COPS3: variants seen among roughly 807,000 people sequenced by gnomAD.
The protein encoded by COPS3 is COP9 signalosome complex subunit 3.
Under a neutral mutation model 58.2 loss-of-function variants are expected in COPS3, and 10 were observed. The ratio of observed to expected loss-of-function variants is 0.17; its 90% confidence interval spans 0.11 to 0.29. The LOEUF is 0.29. Among genes scored for constraint, COPS3 ranks in the 10% least tolerant of loss-of-function variants. The pLI, the probability that COPS3 is intolerant of heterozygous loss-of-function variation, is 1.00. For synonymous variants in COPS3, 187 were observed against 181.7 expected (o/e 1.03, Z -0.24); for missense variants, 333 against 510.1 (o/e 0.65, Z 3.34).
chr17:17,257,450 C>T (rs1030788115), intron 8 of COPS3, among the ~76,000 whole-genome samples: 10 of 151,114 alleles, frequency 6.6e-5, no homozygotes, highest in African/African-American at 2.2e-4. Flanking sequence ...TTACATATAA[C>T]TGGGAGAGTC....
chr17:17,270,928 T>C lies in COPS3; in HGVS notation c.266A>G (p.Asn89Ser). The C allele has an allele frequency of 6.2e-7, 1 of 1,613,944 alleles. No individual in the cohort carries two copies. The highest frequency in any genetic ancestry group is 8.5e-7 in the Non-Finnish European group (1 of 1,179,970). ...TGTTGCATATCGAATGTGCTCCCCATTACAAGTGCTGATGAAGAGCTGAAC... is the reference window on the plus strand; with the variant it reads ...TGTTGCATATCGAATGTGCTCCCCACTACAAGTGCTGATGAAGAGCTGAAC... ...SQVQLFISTC[N>S]GEHIRYATDT... Residue 89 changes from asparagine to serine, a missense_variant, in exon 3 of 12, where the codon AAT (asparagine) becomes AGT (serine). By Grantham distance (46) the Asn-to-Ser change is conservative. Coordinates refer to ENST00000268717, the MANE Select transcript of COPS3 (RefSeq NM_003653.4).
Position 17,277,378 on chromosome 17 carries a change from C to T in COPS3, c.56-1214G>A, listed in dbSNP as rs1250832765. On this transcript the variant is annotated intron_variant, in intron 1 of 11. Coordinates refer to ENST00000268717, the MANE Select transcript of COPS3 (RefSeq NM_003653.4). ...AGCAGCTACTTGTTGAATTAATCTC[C>T]TAATTGATCTATTTTTCCCCTATAC... 3.3e-5 allele frequency among the ~76,000 whole-genome samples: 5 copies of T among 152,170 alleles called. No homozygotes were observed. In the East Asian group the frequency reaches 9.6e-4, roughly 29 times the overall value.
Position 17,270,785 on chromosome 17 carries a change from T to C in COPS3, c.321A>G (p.Leu107=). 1.9e-6 allele frequency: 3 copies of C among 1,598,698 alleles called. No homozygotes were observed. The highest frequency in any genetic ancestry group is 2.6e-6 in the Non-Finnish European group (3 of 1,171,046). ...TDTFAGLCHQ[L]TNALVERKQP... ...GTTTTCTTTCCACAAGTGCATTTGTTAGCTGATGGCAAAGCCCAGCAACTA... is the reference window on the plus strand; with the variant it reads ...GTTTTCTTTCCACAAGTGCATTTGTCAGCTGATGGCAAAGCCCAGCAACTA... Residue 107 remains leucine (L), a synonymous_variant, in exon 4 of 12, where the codon CTA becomes CTG. Coordinates refer to ENST00000268717, the MANE Select transcript of COPS3 (RefSeq NM_003653.4).
At chr17:17,260,967 G>A (rs1357945027) in intron 7 of COPS3, among the ~76,000 whole-genome samples, 2 of 152,158 alleles carry the variant, frequency 1.3e-5, no homozygotes, top group Admixed American at 1.3e-4. Flanking sequence ...CAAAGCAAAT[G>A]CCTGGTTTTT....
chr17:17,280,812 C>T, intron 1 of COPS3: 2 of 1,251,732 alleles, frequency 1.6e-6, no homozygotes, highest in Non-Finnish European at 2.1e-6. Context: ...CAATAGTCGC[C>T]CGAGATGGCT....
intron 9 of COPS3, among the ~76,000 whole-genome samples, chr17:17,252,010 A>G (rs987205491): frequency 1.3e-5 from 2 of 151,906 alleles, no homozygotes; most frequent in African/African-American, 2.4e-5. Flanking sequence ...TGGAGCTTGC[A>G]GTGAGCTGAG....
intron 6 of COPS3, among the ~76,000 whole-genome samples, chr17:17,264,221 G>C (rs966250698): frequency 6.6e-6 from 1 of 152,154 alleles, no homozygotes; most frequent in Admixed American, 6.6e-5. Flanking sequence ...AGGAACTTAC[G>C]AACATCTAAC....
chr17:17,267,362 C>T (rs1380787524), intron 5 of COPS3, among the ~76,000 whole-genome samples: 1 of 149,970 alleles, frequency 6.7e-6, no homozygotes, highest in Non-Finnish European at 1.5e-5. Flanking sequence ...CAACTAGGGC[C>T]GGGTGTGGTG....
At chr17:17,252,743 G>A (rs549518827) in intron 9 of COPS3, among the ~76,000 whole-genome samples, 3 of 152,242 alleles carry the variant, frequency 2.0e-5, no homozygotes, top group South Asian at 2.1e-4. Context: ...CTTCTCACTC[G>A]CCACTGAAGA....
chr17:17,270,593 G>A (rs1483069595), intron 4 of COPS3, among the ~76,000 whole-genome samples, 165 bp downstream of exon 4: 3 of 151,918 alleles, frequency 2.0e-5, no homozygotes, highest in Non-Finnish European at 4.4e-5. Context: ...CAGGGGATGC[G>A]GGGACTGCCT....
intron 9 of COPS3, among the ~76,000 whole-genome samples, chr17:17,249,274 A>AT (rs1300572008): frequency 1.3e-5 from 2 of 152,184 alleles, no homozygotes; most frequent in Non-Finnish European, 2.9e-5. Context: ...CTGCCCTTGC[A>AT]TTTTTGTTAT....
Position 17,271,840 on chromosome 17 carries a change from C to CTATATATATA in COPS3, c.186-842_186-833dup, listed in dbSNP as rs10653495. 1.2e-4 allele frequency among the ~76,000 whole-genome samples: 17 copies of CTATATATATA among 139,162 alleles called. No homozygotes were observed. In the South Asian group the frequency reaches 1.5e-3, roughly 13 times the overall value. The allele number at this position is 139,162 out of a possible 152,430, so 91.3% of individuals were successfully genotyped here. A position where few individuals can be genotyped will look rare whatever the true frequency, so the allele number is the denominator to read the frequency against. On this transcript the variant is annotated intron_variant, in intron 2 of 11. Transcript: ENST00000268717. ...TCTCAAAAAAAAAATCTATATATAT[C>CTATATATATA]TATATATATATATATATACACACAT...
intron 8 of COPS3, 108 bp from the exon 9 acceptor site, chr17:17,255,053 G>A (rs2047937081): frequency 8.6e-6 from 6 of 701,034 alleles, no homozygotes; most frequent in Non-Finnish European, 1.2e-5. Context: ...TGTAATCCCA[G>A]CACTTTGGGA....
At position 17,270,968 on chromosome 17, in the gene COPS3, T is replaced by C. The variant is rs750374295; in HGVS notation, c.226A>G (p.Thr76Ala). ...FSMPSVPDFE[T>A]LFSQVQLFIS... Reference sequence around the variant, plus strand: ...AAGAGCTGAACCTGTGAGAATAGCGTTTCGAAGTCAGGAACACTGGGCATA... The same window carrying C: ...AAGAGCTGAACCTGTGAGAATAGCGCTTCGAAGTCAGGAACACTGGGCATA... Residue 76 changes from threonine (T) to alanine (A), a missense_variant, in exon 3 of 12, where the codon ACG becomes GCG. By Grantham distance (58) the Thr-to-Ala change is moderately conservative. Transcript: ENST00000268717. 1 of 1,613,846 alleles carries C rather than the reference T, an allele frequency of 6.2e-7. No homozygotes were observed. Among genetic ancestry groups the C allele is most frequent in the Non-Finnish European group, 8.5e-7 (1 of 1,179,954 alleles).
In COPS3 at chr17:17,253,861, G is replaced by A. The variant is rs151073212; in HGVS notation, c.1023+998C>T. On this transcript the variant is annotated intron_variant, in intron 9 of 11. Transcript: ENST00000268717. ...CTGATAATGAAAATATGTAAATATA[G>A]CCGCCTGTAATACCAGCTACTCGGG... 1.6e-3 allele frequency among the ~76,000 whole-genome samples: 240 copies of A among 152,132 alleles called. 7 individuals carry two copies. In the East Asian group the frequency reaches 0.037, roughly 23 times the overall value.
intron 2 of COPS3, among the ~76,000 whole-genome samples, chr17:17,271,485 G>A (rs1477242619): frequency 1.3e-5 from 2 of 151,650 alleles, no homozygotes; most frequent in East Asian, 3.9e-4. Flanking sequence ...TGGTTATTTT[G>A]CACAATCACT....
chr17:17,264,611 G>T (rs1029570349), intron 6 of COPS3, among the ~76,000 whole-genome samples, 191 bp downstream of exon 6: 25 of 152,186 alleles, frequency 1.6e-4, no homozygotes, highest in Admixed American at 1.3e-4. Context: ...GCTCTTCTAT[G>T]CACTGGCGCT....
intron 1 of COPS3, chr17:17,280,905 G>T: frequency 1.1e-6 from 1 of 932,972 alleles, no homozygotes; most frequent in Non-Finnish European, 1.5e-6. Flanking sequence ...GCTCCCGGCG[G>T]CCCGAGGGAG....
chr17:17,249,772 G>A (rs915967570), intron 9 of COPS3, among the ~76,000 whole-genome samples: 5 of 152,066 alleles, frequency 3.3e-5, no homozygotes, highest in African/African-American at 1.2e-4. Context: ...GATTACAGGC[G>A]TAAGCCACCG....
Sources: gnomAD v4.1 joint callset for allele counts (sites outside exome capture counted in the v4.1 genomes callset) on GRCh38, gnomAD v4.1.1 for gene constraint, MANE v1.5 for transcripts, NCBI Gene and HGNC (gene_info 2026-07-23, HGNC 2026-07-21) for gene names.